The following BBS9 variants were observed in gnomAD, a reference collection of about 807,000 sequenced individuals.
BBS9 encodes the protein Bardet-Biedl syndrome 9, also known as protein PTHB1.
In BBS9, 89 loss-of-function variants were observed where a neutral mutation model predicts 117.7. The ratio of observed to expected loss-of-function variants is 0.76; its 90% CI spans 0.64 to 0.90. The LOEUF (loss-of-function observed/expected upper bound fraction) is 0.90. Ranked by LOEUF, BBS9 falls within the 40% of genes least tolerant of loss-of-function variation. BBS9 has a pLI of 0.00. For synonymous variants in BBS9, 379 were observed against 370.9 expected (o/e 1.02, Z -0.25); for missense variants, 982 against 1,042.2 (o/e 0.94, Z 0.80).
chr7:33,269,345 A>G (rs1049574594), intron 7 of BBS9, among the ~76,000 whole-genome samples: 4 of 152,104 alleles, frequency 2.6e-5, no homozygotes, highest in Admixed American at 2.6e-4. Context: ...CCATCTCATT[A>G]TTACTTTCAT....
downstream of BBS9, among the ~76,000 whole-genome samples, chr7:33,608,961 G>T (rs1311381561): frequency 1.3e-5 from 2 of 151,916 alleles, no homozygotes; most frequent in African/African-American, 2.4e-5. Context: ...ATGTTTCCTA[G>T]GTTTTCTTCC....
chr7:33,366,593 G>A (rs543446347), intron 16 of BBS9, among the ~76,000 whole-genome samples: 82 of 121,030 alleles, frequency 6.8e-4, no homozygotes, highest in African/African-American at 2.5e-3. Flanking sequence ...TGCCCAGGCT[G>A]GAGTGCAGTG....
chr7:33,185,066 G>A (rs1290296956), intron 5 of BBS9, among the ~76,000 whole-genome samples: 2 of 152,214 alleles, frequency 1.3e-5, no homozygotes, highest in African/African-American at 4.8e-5. Context: ...ACTAGTGGGA[G>A]TGTCTTTTAG....
chr7:33,382,258 G>T (rs1018361837), intron 17 of BBS9, among the ~76,000 whole-genome samples: 5 of 152,050 alleles, frequency 3.3e-5, no homozygotes, highest in Non-Finnish European at 5.9e-5. Flanking sequence ...TCAGGAGTTT[G>T]AGACCAGCCT....
intron 5 of BBS9, among the ~76,000 whole-genome samples, chr7:33,243,515 G>A (rs1459085603): frequency 6.6e-6 from 1 of 152,154 alleles, no homozygotes; most frequent in Non-Finnish European, 1.5e-5. Flanking sequence ...GGGAGCCTTT[G>A]TCTCACTTTT....
At chr7:33,278,291 T>TG (rs902594349) in intron 9 of BBS9, among the ~76,000 whole-genome samples, 2 of 152,210 alleles carry the variant, frequency 1.3e-5, no homozygotes, top group African/African-American at 4.8e-5. Flanking sequence ...AGTTGTGGTA[T>TG]GGGTTGCCCC....
At chr7:33,514,411 G>C (rs1192712721) in intron 20 of BBS9, among the ~76,000 whole-genome samples, 4 of 152,148 alleles carry the variant, frequency 2.6e-5, no homozygotes, top group Non-Finnish European at 5.9e-5. Context: ...TCATCAAGGG[G>C]TGACTGGAGT....
chr7:33,306,898 A>T (rs1808130233), intron 9 of BBS9, among the ~76,000 whole-genome samples: 1 of 152,164 alleles, frequency 6.6e-6, no homozygotes, highest in South Asian at 2.1e-4. Flanking sequence ...ACAGAATAAA[A>T]TATCTTGGCA....
At chr7:33,348,054 G>C (rs1462067862) in intron 12 of BBS9, among the ~76,000 whole-genome samples, 1 of 151,952 alleles carries the variant, frequency 6.6e-6, no homozygotes, top group Non-Finnish European at 1.5e-5. Context: ...ATGACTTTTA[G>C]TATAGTGTAT....
At chr7:33,387,692 G>T (rs1826273606) in intron 18 of BBS9, among the ~76,000 whole-genome samples, 1 of 152,070 alleles carries the variant, frequency 6.6e-6, no homozygotes, top group Admixed American at 6.5e-5. Flanking sequence ...TGTAAAGAAT[G>T]AGAAAAGATT....
chr7:33,364,861 T>G (rs1486964208), intron 16 of BBS9, among the ~76,000 whole-genome samples: 1 of 150,972 alleles, frequency 6.6e-6, no homozygotes, highest in African/African-American at 2.4e-5. Flanking sequence ...CCCAAGTAGC[T>G]GGGACTACAG....
chr7:33,130,833 T>C (rs1192218193), intron 1 of BBS9, among the ~76,000 whole-genome samples: 1 of 152,160 alleles, frequency 6.6e-6, no homozygotes, highest in Non-Finnish European at 1.5e-5. Flanking sequence ...GTTTAAGGGA[T>C]TTTTCCTTGT....
chr7:33,193,208 G>A (rs1784409932), intron 5 of BBS9, among the ~76,000 whole-genome samples: 1 of 152,026 alleles, frequency 6.6e-6, no homozygotes, highest in Non-Finnish European at 1.5e-5. Flanking sequence ...CTATATATCT[G>A]TCTGTTAGGG....
At chr7:33,331,392 T>C (rs1814007130) in intron 9 of BBS9, among the ~76,000 whole-genome samples, 1 of 152,122 alleles carries the variant, frequency 6.6e-6, no homozygotes. Flanking sequence ...CCACTTTTAT[T>C]CAACATAGTA....
intron 9 of BBS9, among the ~76,000 whole-genome samples, chr7:33,305,721 C>A (rs1404573820): frequency 6.6e-6 from 1 of 151,940 alleles, no homozygotes; most frequent in African/African-American, 2.4e-5. Flanking sequence ...TCTAATTATC[C>A]TTTTAATTTA....
At chr7:33,534,775 A>C (rs917134590) in intron 21 of BBS9, among the ~76,000 whole-genome samples, 1 of 152,084 alleles carries the variant, frequency 6.6e-6, no homozygotes, top group Non-Finnish European at 1.5e-5. Context: ...ATAGGGGCTG[A>C]GCAGTCAGTC....
At chr7:33,631,461 C>T (rs1295519743) in intron 21 of BBS9, among the ~76,000 whole-genome samples, 1 of 152,206 alleles carries the variant, frequency 6.6e-6, no homozygotes, top group Non-Finnish European at 1.5e-5. Context: ...GCCTGTTGAT[C>T]TTTGCATCCT....
intron 21 of BBS9, among the ~76,000 whole-genome samples, chr7:33,574,734 C>G (rs1858485220): frequency 1.3e-5 from 2 of 150,858 alleles, no homozygotes; most frequent in African/African-American, 4.9e-5. Context: ...CACGCGCACA[C>G]ACACACACTT....
Position 33,351,401 on chromosome 7 carries a change from C to G in BBS9, c.1537+78C>G, listed in dbSNP as rs148529246. The stretch of plus-strand genomic sequence containing the variant: ...TGCTTATGCATTTAAGATGAGAAAA[C>G]ATACTGTGAAATATCATTAAATGAG... On this transcript the variant is annotated intron_variant, in intron 14 of 22. Transcript: ENST00000242067. 4 of 934,802 alleles carry G rather than the reference C, an allele frequency of 4.3e-6. No individual in the cohort carries two copies. The Admixed American group carries it at 5.2e-5, about 12-fold the overall frequency. 57.9% of individuals were successfully genotyped at this position (934,802 alleles called of 1,614,324 possible).
Sources: gnomAD v4.1 joint callset for allele counts (sites outside exome capture counted in the v4.1 genomes callset) on GRCh38, gnomAD v4.1.1 for gene constraint, MANE v1.5 for transcripts, NCBI Gene and HGNC (gene_info 2026-07-23, HGNC 2026-07-21) for gene names.